Variants in ELOVL7 observed in about 807,000 individuals in gnomAD.
ELOVL7 encodes the protein very long chain fatty acid elongase 7.
In ELOVL7, 27 loss-of-function variants were observed where a neutral mutation model predicts 35.7. That is an observed-to-expected ratio of 0.76 (90% CI 0.56 to 1.04). The LOEUF is 1.04. Among genes scored for constraint, ELOVL7 ranks in the 50% least tolerant of loss-of-function variants. ELOVL7 has a pLI of 0.00. For synonymous variants in ELOVL7, 113 were observed against 114.6 expected, an observed-to-expected ratio of 0.99 and a Z score of 0.09; for missense variants, 327 against 340.8, an observed-to-expected ratio of 0.96 and a Z score of 0.32.
At chr5:60,810,409 T>C (rs938533410) in intron 1 of ELOVL7, among the ~76,000 whole-genome samples, 1 of 152,246 alleles carries the variant, frequency 6.6e-6, no homozygotes, top group Non-Finnish European at 1.5e-5. Flanking sequence ...ATGTGGATTT[T>C]TCTAAGCCCA....
At chr5:60,787,289 A>AT (rs1743656639) in intron 3 of ELOVL7, 45 bp downstream of exon 3, 5 of 1,482,828 alleles carry the variant, frequency 3.4e-6, no homozygotes, top group Non-Finnish European at 4.6e-6. Flanking sequence ...AGAATCTGAC[A>AT]TAAAAAGGAA....
chr5:60,812,378 T>C (rs760903191), intron 1 of ELOVL7, among the ~76,000 whole-genome samples: 36 of 152,184 alleles, frequency 2.4e-4, no homozygotes, highest in Non-Finnish European at 4.9e-4. Flanking sequence ...TTAATTTTCA[T>C]CAGAAAATGT....
At chr5:60,825,059 G>A (rs760304574) in intron 1 of ELOVL7, among the ~76,000 whole-genome samples, 20 of 151,630 alleles carry the variant, frequency 1.3e-4, no homozygotes, top group Non-Finnish European at 2.6e-4. Flanking sequence ...GGGTTCAAGT[G>A]ATTCTCCTGC....
intron 2 of ELOVL7, among the ~76,000 whole-genome samples, chr5:60,791,492 T>C (rs2112252624): frequency 6.6e-6 from 1 of 152,288 alleles, no homozygotes; most frequent in African/African-American, 2.4e-5. Flanking sequence ...CACTATACCC[T>C]TGTAAGAAAC....
At chr5:60,809,109 A>C (rs1426267466) in intron 1 of ELOVL7, among the ~76,000 whole-genome samples, 1 of 152,190 alleles carries the variant, frequency 6.6e-6, no homozygotes, top group Non-Finnish European at 1.5e-5. Flanking sequence ...ATGATAGTAC[A>C]TGGGTGTTAA....
intron 6 of ELOVL7, among the ~76,000 whole-genome samples, chr5:60,764,676 A>G (rs1171355446): frequency 6.6e-6 from 1 of 152,174 alleles, no homozygotes; most frequent in Non-Finnish European, 1.5e-5. Context: ...TTTGAAGTGT[A>G]TGGGAAAGCA....
chr5:60,770,664 G>A (rs1027305398), intron 4 of ELOVL7, among the ~76,000 whole-genome samples: 1 of 152,204 alleles, frequency 6.6e-6, no homozygotes, highest in Non-Finnish European at 1.5e-5. Context: ...AAGCAGCAGA[G>A]TGAGTCCAGA....
At chr5:60,827,481 T>G (rs1221348608) in intron 1 of ELOVL7, among the ~76,000 whole-genome samples, 1 of 152,128 alleles carries the variant, frequency 6.6e-6, no homozygotes, top group Non-Finnish European at 1.5e-5. Context: ...TAGGTAAACA[T>G]AGAAAAACAT....
At chr5:60,777,047 C>T (rs1264171929) in intron 3 of ELOVL7, among the ~76,000 whole-genome samples, 1 of 129,264 alleles carries the variant, frequency 7.7e-6, no homozygotes, top group African/African-American at 3.0e-5. Flanking sequence ...AGAATCAAAA[C>T]AATTAAGTCC....
chr5:60,834,391 C>G (rs189069426), intron 1 of ELOVL7, among the ~76,000 whole-genome samples: 1 of 152,162 alleles, frequency 6.6e-6, no homozygotes, highest in Non-Finnish European at 1.5e-5. Flanking sequence ...GTGATCCGCC[C>G]GCCTCGGCCT....
intron 1 of ELOVL7, among the ~76,000 whole-genome samples, chr5:60,839,524 T>A (rs907005477): frequency 3.9e-5 from 6 of 152,232 alleles, no homozygotes; most frequent in African/African-American, 1.4e-4. Context: ...TTTTCAACTT[T>A]TTGCAACTGT....
At chr5:60,771,737 T>C (rs943019013) in intron 4 of ELOVL7, among the ~76,000 whole-genome samples, 166 bp downstream of exon 4, 2 of 152,262 alleles carry the variant, frequency 1.3e-5, no homozygotes, top group African/African-American at 2.4e-5. Flanking sequence ...AATGAGTTTA[T>C]TATTTGGTCT....
chr5:60,842,639 G>A (rs1747244553), intron 1 of ELOVL7, among the ~76,000 whole-genome samples: 2 of 152,052 alleles, frequency 1.3e-5, no homozygotes, highest in Admixed American at 6.6e-5. Flanking sequence ...AAATAAGGAC[G>A]AGCAAACGAA....
chr5:60,810,521 T>G (rs1263505373), intron 1 of ELOVL7, among the ~76,000 whole-genome samples: 1 of 152,212 alleles, frequency 6.6e-6, no homozygotes, highest in African/African-American at 2.4e-5. Context: ...TACCTATACA[T>G]GATTATTCTG....
chr5:60,806,383 G>C (rs897945591), intron 1 of ELOVL7, among the ~76,000 whole-genome samples: 2 of 152,120 alleles, frequency 1.3e-5, no homozygotes, highest in Non-Finnish European at 1.5e-5. Context: ...ATTAAAGCCA[G>C]GGTTACCTAT....
intron 3 of ELOVL7, among the ~76,000 whole-genome samples, chr5:60,774,917 CA>C (rs1353526011): frequency 6.6e-6 from 1 of 152,056 alleles, no homozygotes; most frequent in Non-Finnish European, 1.5e-5. Context: ...AGGTGCCCGC[CA>C]CCATGCCCAG....
intron 4 of ELOVL7, chr5:60,768,804 C>G (rs1175722052): frequency 1.9e-5 from 7 of 376,158 alleles, no homozygotes; most frequent in South Asian, 7.6e-5. Context: ...CCAAATACCC[C>G]CTGGGAGATC....
intron 1 of ELOVL7, among the ~76,000 whole-genome samples, chr5:60,805,644 C>T (rs1744882750): frequency 6.6e-6 from 1 of 152,122 alleles, no homozygotes; most frequent in African/African-American, 2.4e-5. Flanking sequence ...AAGGATCCAG[C>T]ATAAGCCAGT....
chr5:60,830,524 G>T (rs574500033), intron 1 of ELOVL7, among the ~76,000 whole-genome samples: 5 of 152,004 alleles, frequency 3.3e-5, no homozygotes, highest in African/African-American at 9.6e-5. Context: ...GCTGGGCATT[G>T]ATGGTCTTCT....
Sources: gnomAD v4.1 joint callset for allele counts (sites outside exome capture counted in the v4.1 genomes callset) on GRCh38, gnomAD v4.1.1 for gene constraint, MANE v1.5 for transcripts, NCBI Gene and HGNC (gene_info 2026-07-23, HGNC 2026-07-21) for gene names.